The following ZKSCAN3 variants were observed in gnomAD, a reference collection of about 807,000 sequenced individuals.
The protein encoded by ZKSCAN3 is zinc finger with KRAB and SCAN domains 3.
In ZKSCAN3, 21 loss-of-function variants were observed where a neutral mutation model predicts 30.7. That is an observed-to-expected ratio of 0.68 (90% CI 0.49 to 0.99). The LOEUF (loss-of-function observed/expected upper bound fraction) is 0.99. Among genes scored for constraint, ZKSCAN3 ranks in the 50% least tolerant of loss-of-function variants. ZKSCAN3 has a pLI of 0.00. For missense variants in ZKSCAN3, 507 were observed against 647.1 expected, an observed-to-expected ratio of 0.78 and a Z score of 2.35; for synonymous variants, 201 against 246.7, an observed-to-expected ratio of 0.81 and a Z score of 1.73.
chr6:28,365,969 C>T lies in ZKSCAN3; in HGVS notation c.1301C>T (p.Ala434Val). 6.2e-7 allele frequency: 1 copy of T among 1,614,168 alleles called. No homozygotes were observed. Among genetic ancestry groups the T allele is most frequent in the Non-Finnish European group, 8.5e-7 (1 of 1,180,014 alleles). Residue 434 changes from alanine to valine, a missense_variant, in exon 6 of 6, where the codon GCC (alanine) becomes GTC (valine). Transcript: ENST00000252211. ...KPYQCSMCGKAFRRSSHLLRH... is the reference protein window; with the variant it reads ...KPYQCSMCGKVFRRSSHLLRH... ...TATCAGTGCAGTATGTGTGGCAAAG[C>T]CTTTAGGCGAAGTTCACATCTCCTG...
intron 5 of ZKSCAN3, among the ~76,000 whole-genome samples, chr6:28,364,236 A>C (rs1765873465): frequency 6.6e-6 from 1 of 152,154 alleles, no homozygotes; most frequent in Non-Finnish European, 1.5e-5. Context: ...TTGTCCCCTC[A>C]AAATGCTGGA....
rs1195768578 is a variant in ZKSCAN3, at chr6:28,351,681, CCT to C, written c.-63+1620_-63+1621del. Among the ~76,000 whole-genome samples, 1 of 151,392 alleles carries C rather than the reference CCT, an allele frequency of 6.6e-6. No homozygotes were observed. Among genetic ancestry groups the C allele is most frequent in the Admixed American group, 6.6e-5 (1 of 15,164 alleles). ...TTCCCTTTTACTTCCTCCCTCTTTCCCTCTCTCCTTTCTTTCCCTCTCCCTCC... is the reference window on the plus strand; with the variant it reads ...TTCCCTTTTACTTCCTCCCTCTTTCCCTCTCCTTTCTTTCCCTCTCCCTCC... On this transcript the variant is annotated intron_variant, in intron 1 of 5. Coordinates refer to ENST00000252211, the MANE Select transcript of ZKSCAN3 (RefSeq NM_024493.4). The surrounding 1 kb of genome is among the most constrained non-coding windows in gnomAD (Gnocchi z 4.6).
chr6:28,357,177 A>G (rs1765487298), intron 1 of ZKSCAN3, among the ~76,000 whole-genome samples: 1 of 152,178 alleles, frequency 6.6e-6, no homozygotes, highest in South Asian at 2.1e-4. Flanking sequence ...GTGCGCTCCA[A>G]TCCTGCTGAG....
rs1165121202 is a variant in ZKSCAN3 at position 28,369,023 on chromosome 6, C to T, written c.*2738C>T. ...TTAGTAGAAATTGAATCATTATCCA[C>T]AATCCTTTATAGAACTATCCAAGTC... is the stretch of plus-strand genomic sequence containing the variant. On this transcript the variant is annotated 3_prime_UTR_variant, in exon 6 of 6. Transcript: ENST00000252211. This position sits in a 1 kb window ranked among gnomAD's most constrained non-coding sequence, Gnocchi z 4.1. The T allele has an allele frequency of 6.6e-6, 1 of 152,258 alleles. No individual in the cohort carries two copies. Among genetic ancestry groups the T allele is most frequent in the Non-Finnish European group, 1.5e-5 (1 of 68,086 alleles). The allele number at this position is 152,258 out of a possible 1,614,324, so 9.4% of individuals were successfully genotyped here.
intron 1 of ZKSCAN3, among the ~76,000 whole-genome samples, chr6:28,357,836 T>C (rs1765528359): frequency 6.6e-6 from 1 of 152,242 alleles, no homozygotes; most frequent in South Asian, 2.1e-4. Context: ...CTGAAGGGCC[T>C]TCAGCCCAAA....
Position 28,367,176 on chromosome 6 carries a change from A to G in ZKSCAN3, c.*891A>G, listed in dbSNP as rs1269801706. The G allele has an allele frequency of 6.6e-6, 1 of 152,046 alleles. No homozygotes were observed. The highest frequency in any genetic ancestry group is 1.9e-4 in the East Asian group (1 of 5,184). The allele number at this position is 152,046 out of a possible 1,614,324, so 9.4% of individuals were successfully genotyped here. A position where few individuals can be genotyped will look rare whatever the true frequency, so the allele number is the denominator to read the frequency against. The stretch of plus-strand genomic sequence containing the variant: ...CATGATCCTCCTGCCTCAGCCTACC[A>G]AAGTGCTGGGATTACAGGCATGAGC... On this transcript the variant is annotated 3_prime_UTR_variant, in exon 6 of 6. Transcript: ENST00000252211.
intron 5 of ZKSCAN3, 27 bp downstream of exon 5, chr6:28,363,842 T>G: frequency 6.2e-7 from 1 of 1,610,010 alleles, no homozygotes; most frequent in Non-Finnish European, 8.5e-7. Flanking sequence ...CTAATTTCTG[T>G]TAAGGTTTCT....
At chr6:28,361,911 A>G (rs910723620) in intron 3 of ZKSCAN3, among the ~76,000 whole-genome samples, 5 of 151,358 alleles carry the variant, frequency 3.3e-5, no homozygotes, top group African/African-American at 9.7e-5. Flanking sequence ...GATCCTCTCA[A>G]CTCAGCCTCC....
In ZKSCAN3 at chr6:28,366,235, C is replaced by T. The variant is rs766933890; in HGVS notation, c.1567C>T (p.Leu523Phe). Residue 523 changes from leucine to phenylalanine, a missense_variant, in exon 6 of 6, where the codon CTT (leucine) becomes TTT (phenylalanine). Coordinates refer to ENST00000252211, the MANE Select transcript of ZKSCAN3 (RefSeq NM_024493.4). ...AAAAGGCTTCACCCGAATTTCATAC[C>T]TTGTTCAACATCAGAGAAGCCATGT... ...CGKGFTRISYLVQHQRSHVGK... is the reference protein window; with the variant it reads ...CGKGFTRISYFVQHQRSHVGK... 3 of 1,559,350 alleles carry T rather than the reference C, an allele frequency of 1.9e-6. No individual in the cohort carries two copies. The African/African-American group carries it at 4.1e-5, about 22-fold the overall frequency.
intron 3 of ZKSCAN3, among the ~76,000 whole-genome samples, chr6:28,362,744 C>G (rs1255640980): frequency 6.6e-6 from 1 of 152,174 alleles, no homozygotes. Flanking sequence ...TCTTGAATTT[C>G]CATACGTTGT....
chr6:28,368,501 CTG>C lies in ZKSCAN3; in HGVS notation c.*2220_*2221del, dbSNP rs1554147904. The C allele has an allele frequency of 6.6e-6, 1 of 151,728 alleles. No individual in the cohort carries two copies. Among genetic ancestry groups the C allele is most frequent in the Non-Finnish European group, 1.5e-5 (1 of 67,938 alleles). 9.4% of individuals were successfully genotyped at this position (151,728 alleles called of 1,614,324 possible). A position where few individuals can be genotyped will look rare whatever the true frequency, so the allele number is the denominator to read the frequency against. On this transcript the variant is annotated 3_prime_UTR_variant, in exon 6 of 6. Coordinates refer to ENST00000252211, the MANE Select transcript of ZKSCAN3 (RefSeq NM_024493.4). ...CCATCATGATAGTCAAAATTTTAGT[CTG>C]TGTATTCAAGTGAGAAAATTTTTAG...
At position 28,351,145 on chromosome 6, in the gene ZKSCAN3, A is replaced by G. The variant is rs1224553142; in HGVS notation, c.-63+1078A>G. 6.6e-6 allele frequency among the ~76,000 whole-genome samples: 1 copy of G among 152,166 alleles called. No individual in the cohort carries two copies. The highest frequency in any genetic ancestry group is 1.5e-5 in the Non-Finnish European group (1 of 68,032). The stretch of plus-strand genomic sequence containing the variant: ...AAACTTTCCTTTCCTTATCTTCAGT[A>G]TATTTACTGATTTGATAAATACTTT... On this transcript the variant is annotated intron_variant, in intron 1 of 5. Transcript: ENST00000252211. This position sits in a 1 kb window ranked among gnomAD's most constrained non-coding sequence, Gnocchi z 4.6.
chr6:28,363,554 T>C (rs7773018), intron 4 of ZKSCAN3, 138 bp from the exon 5 acceptor site: 35,970 of 1,403,946 alleles, frequency 0.026, 576 homozygotes, highest in Non-Finnish European at 0.031. Flanking sequence ...ATTAACTTTA[T>C]TTAGGTGCCC....
chr6:28,360,587 C>T lies in ZKSCAN3; in HGVS notation c.402+599C>T. 8 of 983,342 alleles carry T rather than the reference C, an allele frequency of 8.1e-6. No homozygotes were observed. In the South Asian group the frequency reaches 3.8e-4, roughly 46 times the overall value. The allele number at this position is 983,342 out of a possible 1,614,324, so 60.9% of individuals were successfully genotyped here. A position where few individuals can be genotyped will look rare whatever the true frequency, so the allele number is the denominator to read the frequency against. ...ATGGGCCGACTTTTACCTCCATGTT[C>T]TTCCCTGTTTTATGAGACTGTGTCC... On this transcript the variant is annotated intron_variant, in intron 2 of 5. Transcript: ENST00000252211.
chr6:28,365,839 A>G lies in ZKSCAN3; in HGVS notation c.1171A>G (p.Thr391Ala). ...CTCAGACCTTATCAAGCATCAGAGA[A>G]CCCACACTGGGGAGAAGCCCTATGA... ...HSSDLIKHQRTHTGEKPYECD... is the reference protein window; with the variant it reads ...HSSDLIKHQRAHTGEKPYECD... The change falls in exon 6 of 6, where the codon ACC becomes GCC. Residue 391 changes from threonine (T) to alanine (A), a missense_variant. Transcript: ENST00000252211. The G allele has an allele frequency of 6.2e-7, 1 of 1,614,116 alleles. No individual in the cohort carries two copies. Among genetic ancestry groups the G allele is most frequent in the Non-Finnish European group, 8.5e-7 (1 of 1,179,998 alleles).
At chr6:28,358,993 C>G (rs921773422) in intron 1 of ZKSCAN3, among the ~76,000 whole-genome samples, 1 of 150,948 alleles carries the variant, frequency 6.6e-6, no homozygotes, top group Admixed American at 6.6e-5. Flanking sequence ...ATATTAGGGT[C>G]TTCCCAGGCC....
intron 2 of ZKSCAN3, chr6:28,360,731 T>C: frequency 2.0e-6 from 2 of 985,458 alleles, no homozygotes; most frequent in Non-Finnish European, 2.4e-6. Context: ...ACCCAAGGCC[T>C]GTAACAGTGG....
chr6:28,360,264 A>C (rs1765692841), intron 2 of ZKSCAN3: 2 of 550,184 alleles, frequency 3.6e-6, no homozygotes, highest in Admixed American at 3.3e-5. Flanking sequence ...TTTTTTTATT[A>C]GTACACTAAA....
chr6:28,357,829 A>C (rs745927979), intron 1 of ZKSCAN3, among the ~76,000 whole-genome samples: 10 of 152,242 alleles, frequency 6.6e-5, no homozygotes, highest in Non-Finnish European at 1.5e-4. Flanking sequence ...AGAGAAACTG[A>C]AGGGCCTTCA....
Sources: allele counts gnomAD v4.1 joint callset (sites outside exome capture counted in the v4.1 genomes callset), GRCh38; gene constraint gnomAD v4.1.1; non-coding constraint Gnocchi (gnomAD v3.1); transcripts MANE v1.5; gene names NCBI Gene and HGNC (gene_info 2026-07-23, HGNC 2026-07-21).